Variants in SLC44A5 observed in about 807,000 individuals in gnomAD.
SLC44A5 encodes solute carrier family 44 member 5.
A neutral mutation model predicts 101.8 loss-of-function variants in SLC44A5; 57 were observed. The ratio of observed to expected loss-of-function variants is 0.56; its 90% CI spans 0.45 to 0.70. The LOEUF is 0.70. Ranked by LOEUF, SLC44A5 falls within the 30% of genes least tolerant of loss-of-function variation. The pLI is 0.00. For synonymous variants in SLC44A5, 281 were observed against 290.9 expected (o/e 0.97, Z 0.35); for missense variants, 737 against 853.1 (o/e 0.86, Z 1.70).
chr1:75,623,293 C>G, the SLC44A5 span, among the ~76,000 whole-genome samples: 1 of 151,980 alleles, frequency 6.6e-6, no homozygotes, highest in Non-Finnish European at 1.5e-5. Flanking sequence ...GAAGATTCCT[C>G]TAAGAATGTG....
chr1:75,350,489 A>G (rs765532872), intron 3 of SLC44A5, among the ~76,000 whole-genome samples: 125 of 151,556 alleles, frequency 8.2e-4, no homozygotes, highest in Middle Eastern at 6.8e-3. Context: ...ATTTACAATT[A>G]CATTCAACAG....
chr1:75,233,073 T>C (rs1485099167), intron 12 of SLC44A5, among the ~76,000 whole-genome samples: 1 of 152,136 alleles, frequency 6.6e-6, no homozygotes, highest in Non-Finnish European at 1.5e-5. Context: ...TTTAGAAGAC[T>C]GAAAGGAAGC....
In SLC44A5 at chr1:75,211,557, A is replaced by G; in HGVS notation, c.1963-5T>C. 6.2e-7 allele frequency: 1 copy of G among 1,601,434 alleles called. No individual in the cohort carries two copies. The highest frequency in any genetic ancestry group is 8.6e-7 in the Non-Finnish European group (1 of 1,169,176). ...GTAAGACCCAAAAATGACTGTCTGT[A>G]AATGGATGAAGAAGAGAACCAACAT... On this transcript the variant is annotated splice_region_variant and splice_polypyrimidine_tract_variant and intron_variant, in intron 22 of 23. Coordinates refer to ENST00000370859, the MANE Select transcript of SLC44A5 (RefSeq NM_001130058.2).
chr1:75,460,585 T>A (rs1409747449), intron 2 of SLC44A5, among the ~76,000 whole-genome samples: 1 of 152,186 alleles, frequency 6.6e-6, no homozygotes, highest in Non-Finnish European at 1.5e-5. Flanking sequence ...GTCATTTATA[T>A]GGGTCTTTAT....
At chr1:75,330,875 T>C (rs1316834758) in intron 4 of SLC44A5, among the ~76,000 whole-genome samples, 1 of 152,172 alleles carries the variant, frequency 6.6e-6, no homozygotes, top group Non-Finnish European at 1.5e-5. Context: ...AATTTTTATC[T>C]TGTTTGACCT....
intron 5 of SLC44A5, among the ~76,000 whole-genome samples, chr1:75,282,487 G>A (rs1413108667): frequency 6.6e-6 from 1 of 152,122 alleles, no homozygotes; most frequent in African/African-American, 2.4e-5. Flanking sequence ...GCATAATTGT[G>A]TATTGAAATA....
At chr1:75,276,296 C>CA (rs1651914235) in intron 5 of SLC44A5, among the ~76,000 whole-genome samples, 1 of 152,118 alleles carries the variant, frequency 6.6e-6, no homozygotes, top group African/African-American at 2.4e-5. Context: ...ATTTAAATAA[C>CA]AAAGTGTTCA....
the SLC44A5 span, among the ~76,000 whole-genome samples, chr1:75,629,675 T>G: frequency 8.7e-4 from 132 of 152,160 alleles, 2 homozygotes; most frequent in South Asian, 1.7e-3. Flanking sequence ...CACAATAACT[T>G]TGCAAACACA....
At chr1:75,394,590 G>C (rs1191634964) in intron 3 of SLC44A5, among the ~76,000 whole-genome samples, 2 of 152,130 alleles carry the variant, frequency 1.3e-5, no homozygotes, top group African/African-American at 4.8e-5. Flanking sequence ...TGTAACAGAA[G>C]AGGAAGTGAA....
intron 2 of SLC44A5, among the ~76,000 whole-genome samples, chr1:75,467,929 A>G (rs1666910600): frequency 6.8e-6 from 1 of 146,278 alleles, no homozygotes. Flanking sequence ...GCAAACAACC[A>G]TACGACAAGA....
At chr1:75,617,726 G>A in the SLC44A5 span, among the ~76,000 whole-genome samples, 1 of 152,242 alleles carries the variant, frequency 6.6e-6, no homozygotes, top group African/African-American at 2.4e-5. Flanking sequence ...AAATAAGACT[G>A]ACTCAAAGTT....
intron 1 of SLC44A5, among the ~76,000 whole-genome samples, chr1:75,557,682 A>T (rs926496417): frequency 1.3e-5 from 2 of 152,128 alleles, no homozygotes; most frequent in Non-Finnish European, 2.9e-5. Flanking sequence ...TATTCAAGTC[A>T]TTTCCACTAT....
At chr1:75,715,367 G>A in the SLC44A5 span, among the ~76,000 whole-genome samples, 8 of 152,312 alleles carry the variant, frequency 5.3e-5, no homozygotes, top group South Asian at 1.2e-3. Flanking sequence ...AACAAAGCTA[G>A]AGACATCATG....
chr1:75,673,993 T>G, the SLC44A5 span, among the ~76,000 whole-genome samples: 1 of 152,072 alleles, frequency 6.6e-6, no homozygotes, highest in African/African-American at 2.4e-5. Flanking sequence ...ACCTAACTCT[T>G]TAATGCCCAG....
At chr1:75,209,651 G>T (rs1042357039) in intron 23 of SLC44A5, among the ~76,000 whole-genome samples, 2 of 152,100 alleles carry the variant, frequency 1.3e-5, no homozygotes, top group African/African-American at 4.8e-5. Context: ...ATTTTAACAG[G>T]CTCAGAAACA....
intron 4 of SLC44A5, among the ~76,000 whole-genome samples, chr1:75,320,995 C>T (rs887592624): frequency 1.3e-5 from 2 of 151,872 alleles, no homozygotes; most frequent in Admixed American, 6.6e-5. Context: ...AAAAAATTCC[C>T]GAGCAATATG....
At chr1:75,471,815 T>C (rs1259009608) in intron 2 of SLC44A5, among the ~76,000 whole-genome samples, 1 of 151,944 alleles carries the variant, frequency 6.6e-6, no homozygotes, top group Non-Finnish European at 1.5e-5. Flanking sequence ...ATAAGCTAGT[T>C]TGTATCCTCT....
Position 75,258,521 on chromosome 1 carries a change from C to T in SLC44A5, c.261-7227G>A, listed in dbSNP as rs188544253. On this transcript the variant is annotated intron_variant, in intron 6 of 23. Transcript: ENST00000370859. ...GGCATCTCTGAAAAAAAGGCAGCAG[C>T]CCCAGTCAGGGACTTACAGATAAAA... 3.0e-4 allele frequency among the ~76,000 whole-genome samples: 45 copies of T among 152,178 alleles called. 1 individual carries two copies. The East Asian group carries it at 3.3e-3, about 11-fold the overall frequency.
intron 3 of SLC44A5, among the ~76,000 whole-genome samples, chr1:75,343,178 A>T (rs575888317): frequency 4.6e-5 from 7 of 152,280 alleles, no homozygotes; most frequent in African/African-American, 1.7e-4. Flanking sequence ...ATTATATAAT[A>T]TTTTATAAGC....
Sources: allele counts gnomAD v4.1 joint callset (sites outside exome capture counted in the v4.1 genomes callset), GRCh38; gene constraint gnomAD v4.1.1; transcripts MANE v1.5; gene names NCBI Gene and HGNC (gene_info 2026-07-23, HGNC 2026-07-21).